BLTP2: variants seen among roughly 807,000 people sequenced by gnomAD.
BLTP2 encodes U937-associated antigen.
the BLTP2 span, chr17:28,639,858 G>A: frequency 2.5e-6 from 4 of 1,609,556 alleles, no homozygotes; most frequent in South Asian, 4.4e-5. Flanking sequence ...AGAGTATCTA[G>A]TCCTCCCATT....
the BLTP2 span, chr17:28,634,630 T>C: frequency 6.2e-7 from 1 of 1,614,092 alleles, no homozygotes; most frequent in African/African-American, 1.3e-5. Context: ...TTCTACCACA[T>C]GCTCAGGACC....
chr17:28,618,100 T>A, the BLTP2 span, among the ~76,000 whole-genome samples: 2 of 151,336 alleles, frequency 1.3e-5, no homozygotes, highest in South Asian at 2.1e-4. Flanking sequence ...GCCTGGCTAA[T>A]TTTTGTATTC....
chr17:28,614,965 A>G, the BLTP2 span: 1 of 1,196,362 alleles, frequency 8.4e-7, no homozygotes, highest in South Asian at 1.4e-5. Flanking sequence ...TCTGACACCC[A>G]CAAATCCTCG....
chr17:28,628,350 C>G, the BLTP2 span: 1 of 1,614,214 alleles, frequency 6.2e-7, no homozygotes, highest in Non-Finnish European at 8.5e-7. Context: ...GGACACCCCG[C>G]TTTGGCTTTT....
chr17:28,617,298 T>C, the BLTP2 span: 4 of 1,614,010 alleles, frequency 2.5e-6, no homozygotes, highest in Non-Finnish European at 2.5e-6. Context: ...GATGTTCTGC[T>C]GTGTCATCAG....
the BLTP2 span, chr17:28,615,063 A>G: frequency 1.2e-6 from 2 of 1,612,560 alleles, no homozygotes; most frequent in Non-Finnish European, 8.5e-7. Flanking sequence ...GAATCGCCAA[A>G]TCATTTGCGC....
the BLTP2 span, chr17:28,642,049 C>G: frequency 1.2e-6 from 2 of 1,614,130 alleles, no homozygotes; most frequent in Non-Finnish European, 1.7e-6. Flanking sequence ...GGTCCAGGGC[C>G]AGTGAAAGCT....
the BLTP2 span, chr17:28,635,264 C>A: frequency 1.2e-6 from 2 of 1,614,240 alleles, no homozygotes; most frequent in East Asian, 4.5e-5. Context: ...TCAAAGCCAG[C>A]AGCCAGCTCT....
chr17:28,624,028 T>C, the BLTP2 span: 2 of 1,487,378 alleles, frequency 1.3e-6, no homozygotes, highest in African/African-American at 2.8e-5. Flanking sequence ...GAGCACATTG[T>C]ATCAACCACT....
At chr17:28,624,412 G>A in the BLTP2 span, 1 of 1,604,792 alleles carries the variant, frequency 6.2e-7, no homozygotes, top group Non-Finnish European at 8.5e-7. Flanking sequence ...ATAGGAAGCA[G>A]GGAAAGGTCA....
chr17:28,621,480 G>A, the BLTP2 span: 15 of 1,613,926 alleles, frequency 9.3e-6, no homozygotes, highest in African/African-American at 2.0e-4. Flanking sequence ...CGCTGCCGGT[G>A]CTCCTCGATA....
the BLTP2 span, chr17:28,619,938 T>C: frequency 6.2e-7 from 1 of 1,614,030 alleles, no homozygotes; most frequent in Non-Finnish European, 8.5e-7. Flanking sequence ...GCAAATGCAG[T>C]ATGCTGCTGC....
chr17:28,639,002 C>A, the BLTP2 span: 1 of 470,454 alleles, frequency 2.1e-6, no homozygotes, highest in Non-Finnish European at 3.8e-6. Context: ...TACACAAAGA[C>A]ATGACTGCCA....
chr17:28,616,772 C>A, the BLTP2 span: 9 of 1,613,818 alleles, frequency 5.6e-6, no homozygotes, highest in Admixed American at 6.7e-5. This position sits in a 1 kb window ranked among gnomAD's most constrained non-coding sequence, Gnocchi z 4.8. Context: ...GAAAAAGATT[C>A]AAGAAGCAAT....
the BLTP2 span, among the ~76,000 whole-genome samples, chr17:28,632,676 C>T: frequency 1.2e-4 from 18 of 152,106 alleles, no homozygotes; most frequent in Admixed American, 4.6e-4. Context: ...TTTTGATCTT[C>T]GACTTTCAAG....
At chr17:28,624,018 G>A in the BLTP2 span, 1 of 1,544,180 alleles carries the variant, frequency 6.5e-7, no homozygotes, top group South Asian at 1.1e-5. Flanking sequence ...TGAGGTTAGT[G>A]AGCACATTGT....
the BLTP2 span, among the ~76,000 whole-genome samples, chr17:28,632,527 G>C: frequency 2.0e-5 from 3 of 152,048 alleles, no homozygotes; most frequent in Non-Finnish European, 4.4e-5. Flanking sequence ...CATGACGGTG[G>C]AGCCTTCATG....
chr17:28,628,481 T>C, the BLTP2 span: 1 of 1,614,040 alleles, frequency 6.2e-7, no homozygotes, highest in African/African-American at 1.3e-5. Flanking sequence ...CGATTGGTAG[T>C]TGTCCAGGAA....
At chr17:28,639,088 T>C in the BLTP2 span, 2 of 559,184 alleles carry the variant, frequency 3.6e-6, no homozygotes, top group Non-Finnish European at 6.3e-6. Flanking sequence ...TTATTTTGTA[T>C]AAAACACTAC....
Sources: allele counts gnomAD v4.1 joint callset (sites outside exome capture counted in the v4.1 genomes callset), GRCh38; gene constraint gnomAD v4.1.1; non-coding constraint Gnocchi (gnomAD v3.1); transcripts MANE v1.5; gene names NCBI Gene and HGNC (gene_info 2026-07-23, HGNC 2026-07-21).